Variants in ARHGAP28 observed in about 807,000 individuals in gnomAD.
ARHGAP28 encodes rho GTPase-activating protein 28.
In ARHGAP28, 56 loss-of-function variants were observed where a neutral mutation model predicts 90.7. That is an observed-to-expected ratio of 0.62 (90% CI 0.50 to 0.77). The LOEUF is 0.77. ARHGAP28 is among the 30% of genes least tolerant of loss of function. The probability of loss-of-function intolerance (pLI) is 0.00; values close to 1 mark genes in which losing one functional copy is unlikely to be tolerated. For synonymous variants in ARHGAP28, 308 were observed against 323.3 expected, an observed-to-expected ratio of 0.95 and a Z score of 0.51; for missense variants, 869 against 900.9, an observed-to-expected ratio of 0.96 and a Z score of 0.45.
intron 1 of ARHGAP28, among the ~76,000 whole-genome samples, chr18:6,803,036 A>G (rs1374426924): frequency 6.6e-6 from 1 of 152,098 alleles, no homozygotes; most frequent in Non-Finnish European, 1.5e-5. Context: ...ATATCTACAT[A>G]TAGCTAGTTT....
intron 2 of ARHGAP28, 125 bp downstream of exon 2, chr18:6,825,089 A>G: frequency 1.1e-6 from 1 of 914,554 alleles, no homozygotes. Flanking sequence ...AATCTGGCAT[A>G]TTGATGATCT....
chr18:6,791,580 G>A (rs1181411311), intron 1 of ARHGAP28: 3 of 152,194 alleles, frequency 2.0e-5, no homozygotes, highest in Admixed American at 1.3e-4. Flanking sequence ...TTGGTCTGAT[G>A]TGCAGAATTA....
chr18:6,759,916 A>T (rs757176148), intron 1 of ARHGAP28, among the ~76,000 whole-genome samples: 3 of 152,232 alleles, frequency 2.0e-5, no homozygotes, highest in Non-Finnish European at 4.4e-5. Context: ...GTTTGATTCA[A>T]CAAGAAGGCT....
chr18:6,900,925 C>T (rs2057335070), intron 16 of ARHGAP28, among the ~76,000 whole-genome samples: 1 of 151,982 alleles, frequency 6.6e-6, no homozygotes, highest in Non-Finnish European at 1.5e-5. Flanking sequence ...AATGAGGACA[C>T]CAATTCAAAT....
At chr18:6,834,372 G>A (rs1429709195) in intron 2 of ARHGAP28, 2 of 152,116 alleles carry the variant, frequency 1.3e-5, no homozygotes, top group African/African-American at 2.4e-5. Flanking sequence ...TGTAGAAACT[G>A]AGATCTGAAA....
At chr18:6,823,197 G>A (rs981316443) in intron 1 of ARHGAP28, among the ~76,000 whole-genome samples, 9 of 152,120 alleles carry the variant, frequency 5.9e-5, no homozygotes, top group African/African-American at 9.6e-5. Flanking sequence ...ATACCAACAC[G>A]AACTCCTCAT....
intron 1 of ARHGAP28, among the ~76,000 whole-genome samples, chr18:6,755,805 G>A (rs560495135): frequency 2.6e-5 from 4 of 152,254 alleles, no homozygotes; most frequent in Admixed American, 2.6e-4. Flanking sequence ...TTGCTGACCA[G>A]CATTTGAGCA....
intron 16 of ARHGAP28, among the ~76,000 whole-genome samples, chr18:6,902,382 TAA>T (rs1326084432): frequency 6.6e-6 from 1 of 152,206 alleles, no homozygotes; most frequent in Admixed American, 6.5e-5. Context: ...TCTGTAAATC[TAA>T]AAGAGTTCTA....
At chr18:6,870,805 CTTTTTT>C in intron 7 of ARHGAP28, 73 bp downstream of exon 7, 4 of 1,152,674 alleles carry the variant, frequency 3.5e-6, no homozygotes, top group Non-Finnish European at 4.7e-6. Flanking sequence ...ATTTCTTTTT[CTTTTTT>C]TTTTTTGAGA....
intron 11 of ARHGAP28, among the ~76,000 whole-genome samples, chr18:6,882,562 T>C (rs2057187680): frequency 6.6e-6 from 1 of 152,214 alleles, no homozygotes; most frequent in Admixed American, 6.5e-5. Flanking sequence ...TGTGCAACCA[T>C]CTGTTAGCCA....
chr18:6,829,196 A>G (rs1178683177), intron 2 of ARHGAP28, among the ~76,000 whole-genome samples: 1 of 152,216 alleles, frequency 6.6e-6, no homozygotes, highest in Non-Finnish European at 1.5e-5. Context: ...GAAGACACAT[A>G]AAGGAAAATC....
intron 4 of ARHGAP28, among the ~76,000 whole-genome samples, chr18:6,853,160 A>G (rs972879220): frequency 5.9e-5 from 9 of 152,184 alleles, no homozygotes; most frequent in African/African-American, 2.2e-4. Flanking sequence ...CTGGGGGTCC[A>G]TGGTGTAAAC....
chr18:6,906,141 A>T (rs924941973), intron 16 of ARHGAP28, among the ~76,000 whole-genome samples: 1 of 152,196 alleles, frequency 6.6e-6, no homozygotes, highest in African/African-American at 2.4e-5. Flanking sequence ...ATTAAGGCTG[A>T]TTATATAAAA....
At chr18:6,732,637 A>G (rs748285577) in intron 1 of ARHGAP28, among the ~76,000 whole-genome samples, 1 of 152,130 alleles carries the variant, frequency 6.6e-6, no homozygotes, top group Non-Finnish European at 1.5e-5. Context: ...ACATTGAGGC[A>G]GTTTCTTTTA....
At chr18:6,873,051 T>C (rs780567964) in intron 7 of ARHGAP28, among the ~76,000 whole-genome samples, 3 of 152,208 alleles carry the variant, frequency 2.0e-5, no homozygotes, top group Non-Finnish European at 4.4e-5. Context: ...TTTCCTGTTA[T>C]GTGTGTGTCA....
chr18:6,853,866 G>A (rs1213008233), intron 4 of ARHGAP28, among the ~76,000 whole-genome samples: 3 of 152,138 alleles, frequency 2.0e-5, no homozygotes, highest in African/African-American at 7.2e-5. Flanking sequence ...AATCTTACAT[G>A]TACTGACTGA....
chr18:6,869,253 C>CTTTT (rs61280250), intron 6 of ARHGAP28, among the ~76,000 whole-genome samples: 250 of 67,952 alleles, frequency 3.7e-3, no homozygotes, highest in East Asian at 7.7e-3. Flanking sequence ...TTTTGCCATT[C>CTTTT]TTTTTTTTTT....
At chr18:6,768,364 A>G (rs1158625322) in intron 1 of ARHGAP28, among the ~76,000 whole-genome samples, 1 of 152,068 alleles carries the variant, frequency 6.6e-6, no homozygotes, top group Admixed American at 6.5e-5. Flanking sequence ...GTTGTTGTTC[A>G]GTGCAAGGTT....
At chr18:6,749,710 G>C (rs2056053828) in intron 1 of ARHGAP28, among the ~76,000 whole-genome samples, 1 of 152,152 alleles carries the variant, frequency 6.6e-6, no homozygotes, top group Non-Finnish European at 1.5e-5. Flanking sequence ...AGCATCCATA[G>C]ATTCAGGATT....
Sources: allele counts gnomAD v4.1 joint callset (sites outside exome capture counted in the v4.1 genomes callset), GRCh38; gene constraint gnomAD v4.1.1; transcripts MANE v1.5; gene names NCBI Gene and HGNC (gene_info 2026-07-23, HGNC 2026-07-21).